CREB1: variants seen among roughly 807,000 people sequenced by gnomAD.
CREB1 encodes cyclic AMP-responsive element-binding protein 1.
A neutral mutation model predicts 42.0 loss-of-function variants in CREB1; 2 were observed. The observed-to-expected ratio is 0.05, with a 90% CI of 0.02 to 0.15. CREB1 has a LOEUF of 0.15. Among genes scored for constraint, CREB1 ranks in the 10% least tolerant of loss-of-function variants. The pLI, the probability that CREB1 is intolerant of heterozygous loss-of-function variation, is 1.00. For missense variants in CREB1, 199 were observed against 388.9 expected, an observed-to-expected ratio of 0.51 and a Z score of 4.11; for synonymous variants, 123 against 139.9, an observed-to-expected ratio of 0.88 and a Z score of 0.85.
chr2:207,582,941 A>C, intron 7 of CREB1: 1 of 191,096 alleles, frequency 5.2e-6, no homozygotes, highest in Non-Finnish European at 1.1e-5. Flanking sequence ...ACATACACAC[A>C]CACATACACC....
chr2:207,547,195 T>C (rs190111501), intron 1 of CREB1, among the ~76,000 whole-genome samples: 85 of 152,358 alleles, frequency 5.6e-4, no homozygotes, highest in African/African-American at 1.9e-3. Flanking sequence ...AAGAATAACA[T>C]TTCAAAATTT....
In CREB1 at chr2:207,596,901, C is replaced by A; in HGVS notation, c.840-13C>A. On this transcript the variant is annotated splice_polypyrimidine_tract_variant and intron_variant, in intron 7 of 7. Transcript: ENST00000353267. ...TCATTTGCATAATTTTTCCCGTCCTCTTTTGCTTGTAGGGAAGCAGCTCGA... is the reference window on the plus strand; with the variant it reads ...TCATTTGCATAATTTTTCCCGTCCTATTTTGCTTGTAGGGAAGCAGCTCGA... The A allele has an allele frequency of 5.0e-6, 8 of 1,596,672 alleles. No individual in the cohort carries two copies. Among genetic ancestry groups the A allele is most frequent in the Non-Finnish European group, 6.8e-6 (8 of 1,175,686 alleles).
intron 7 of CREB1, among the ~76,000 whole-genome samples, chr2:207,590,133 TTTC>T (rs1416375652): frequency 1.4e-5 from 2 of 144,474 alleles, no homozygotes; most frequent in African/African-American, 5.1e-5. Context: ...ATTCAGACTA[TTTC>T]TTCTTCAGTG....
chr2:207,531,346 T>C (rs2080620682), intron 1 of CREB1, among the ~76,000 whole-genome samples: 1 of 151,758 alleles, frequency 6.6e-6, no homozygotes, highest in Admixed American at 6.5e-5. Context: ...CTACTAAAAA[T>C]AGACATTAAA....
intron 1 of CREB1, chr2:207,534,710 A>G (rs1053017070): frequency 1.3e-5 from 2 of 152,224 alleles, no homozygotes; most frequent in African/African-American, 4.8e-5. Flanking sequence ...TTATATTTCT[A>G]ATTTGGTTTT....
intron 5 of CREB1, chr2:207,571,832 A>G (rs1319594806): frequency 9.7e-6 from 4 of 411,908 alleles, no homozygotes; most frequent in South Asian, 3.4e-5. Flanking sequence ...AAAGAGGCCT[A>G]TCAGAATCTA....
intron 1 of CREB1, among the ~76,000 whole-genome samples, chr2:207,544,937 A>G (rs567950907): frequency 1.1e-4 from 17 of 152,186 alleles, no homozygotes; most frequent in Non-Finnish European, 2.1e-4. Context: ...CATGGTGTGT[A>G]TGTACCACAT....
chr2:207,571,693 G>A (rs1334181494), intron 5 of CREB1: 7 of 452,700 alleles, frequency 1.5e-5, no homozygotes, highest in Middle Eastern at 6.6e-4. Flanking sequence ...ATATGTGTTC[G>A]AAGACATTGA....
At chr2:207,558,034 C>G (rs1167904256) in intron 2 of CREB1, among the ~76,000 whole-genome samples, 1 of 152,156 alleles carries the variant, frequency 6.6e-6, no homozygotes, top group Non-Finnish European at 1.5e-5. Flanking sequence ...TTAGAGTTGA[C>G]TTTACAGAGT....
chr2:207,582,022 A>G (rs961988849), intron 7 of CREB1: 17 of 698,902 alleles, frequency 2.4e-5, no homozygotes, highest in Admixed American at 6.0e-5. Context: ...ATAACATCAC[A>G]TCCGGGAGCA....
intron 2 of CREB1, among the ~76,000 whole-genome samples, chr2:207,557,505 G>T (rs1015858395): frequency 6.6e-6 from 1 of 151,996 alleles, no homozygotes; most frequent in Non-Finnish European, 1.5e-5. Flanking sequence ...ACACAGTGAA[G>T]CCCGTCTCTA....
chr2:207,579,228 T>C (rs2082731652), intron 7 of CREB1, among the ~76,000 whole-genome samples: 1 of 152,130 alleles, frequency 6.6e-6, no homozygotes, highest in South Asian at 2.1e-4. Context: ...TTAAAATATT[T>C]TCAGTTTTTA....
Position 207,601,940 on chromosome 2 carries a change from C to G in CREB1, c.*4882C>G, listed in dbSNP as rs964886563. ...GTTGGCTACACAGTCACTGTATGTA[C>G]TAGGAACTGGTTTCCTTGACATTCT... is the stretch of plus-strand genomic sequence containing the variant. On this transcript the variant is annotated 3_prime_UTR_variant, in exon 8 of 8. Coordinates refer to ENST00000353267, the MANE Select transcript of CREB1 (RefSeq NM_004379.5). The G allele has an allele frequency of 9.5e-6, 2 of 210,860 alleles. No individual in the cohort carries two copies. Among genetic ancestry groups the G allele is most frequent in the African/African-American group, 4.5e-5 (2 of 44,074 alleles). The allele number at this position is 210,860 out of a possible 1,614,324, so 13.1% of individuals were successfully genotyped here. A position where few individuals can be genotyped will look rare whatever the true frequency, so the allele number is the denominator to read the frequency against.
At position 207,603,441 on chromosome 2, in the gene CREB1, CT is replaced by C; in HGVS notation, c.*6389del. On this transcript the variant is annotated 3_prime_UTR_variant, in exon 8 of 8. Coordinates refer to ENST00000353267, the MANE Select transcript of CREB1 (RefSeq NM_004379.5). ...ATGCTTTTAAAAACTCTGTAAGTCT[CT>C]TTTTTGGGGATGGGATCTCTATATT... 4.4e-6 allele frequency: 1 copy of C among 225,050 alleles called. No homozygotes were observed. The allele number at this position is 225,050 out of a possible 1,614,324, so 13.9% of individuals were successfully genotyped here.
Position 207,601,757 on chromosome 2 carries a change from A to C in CREB1, c.*4699A>C. On this transcript the variant is annotated 3_prime_UTR_variant, in exon 8 of 8. Coordinates refer to ENST00000353267, the MANE Select transcript of CREB1 (RefSeq NM_004379.5). ...AGAAATGCTGCCTAAATTTGATTTC[A>C]GATGAGGAAGGAGAAAGTAAAGTGT... is the stretch of plus-strand genomic sequence containing the variant. 4.6e-6 allele frequency: 1 copy of C among 217,216 alleles called. No individual in the cohort carries two copies. The highest frequency in any genetic ancestry group is 9.3e-6 in the Non-Finnish European group (1 of 107,938). The allele number at this position is 217,216 out of a possible 1,614,324, so 13.5% of individuals were successfully genotyped here.
Position 207,603,273 on chromosome 2 carries a change from A to G in CREB1, c.*6215A>G, listed in dbSNP as rs6785. The G allele has an allele frequency of 0.85, 187,209 of 221,212 alleles. 79,600 individuals are homozygous for G. The highest frequency in any genetic ancestry group is 1 in the East Asian group (14,992 of 15,000). 13.7% of individuals were successfully genotyped at this position (221,212 alleles called of 1,614,324 possible). ...ATAATAGCTGCTTTGTGTTCAGAAT[A>G]GTAGCAGTTGCTTTGTATATTAAAG... is the stretch of plus-strand genomic sequence containing the variant. On this transcript the variant is annotated 3_prime_UTR_variant, in exon 8 of 8. Coordinates refer to ENST00000353267, the MANE Select transcript of CREB1 (RefSeq NM_004379.5).
At chr2:207,573,826 C>T (rs920028465) in intron 5 of CREB1, among the ~76,000 whole-genome samples, 1 of 152,162 alleles carries the variant, frequency 6.6e-6, no homozygotes, top group Non-Finnish European at 1.5e-5. Context: ...CTTTCTTCTT[C>T]CCACCTTGAA....
At chr2:207,545,457 T>C (rs533011649) in intron 1 of CREB1, among the ~76,000 whole-genome samples, 3 of 152,208 alleles carry the variant, frequency 2.0e-5, no homozygotes, top group Non-Finnish European at 4.4e-5. Context: ...TCCACCCGCC[T>C]TGGCCTCCCA....
chr2:207,568,952 T>A (rs1323378325), intron 4 of CREB1, among the ~76,000 whole-genome samples: 1 of 152,142 alleles, frequency 6.6e-6, no homozygotes, highest in Admixed American at 6.5e-5. Context: ...ATTTCTTTCC[T>A]ACCCATCCCC....
Sources: gnomAD v4.1 joint callset for allele counts (sites outside exome capture counted in the v4.1 genomes callset) on GRCh38, gnomAD v4.1.1 for gene constraint, MANE v1.5 for transcripts, NCBI Gene and HGNC (gene_info 2026-07-23, HGNC 2026-07-21) for gene names.